Variants in PIEZO2 observed in about 807,000 individuals in gnomAD.
PIEZO2 encodes piezo type mechanosensitive ion channel component 2.
Under a neutral mutation model 337.3 loss-of-function variants are expected in PIEZO2, and 172 were observed. The observed-to-expected ratio is 0.51, with a 90% confidence interval of 0.45 to 0.58. The LOEUF is 0.58. Ranked by LOEUF, PIEZO2 falls within the 20% of genes least tolerant of loss-of-function variation. The pLI, the probability that PIEZO2 is intolerant of heterozygous loss-of-function variation, is 0.00. For missense variants in PIEZO2, 3,028 were observed against 3,391.3 expected, an observed-to-expected ratio of 0.89 and a Z score of 2.66; for synonymous variants, 1,251 against 1,228.5, an observed-to-expected ratio of 1.02 and a Z score of -0.38.
intron 2 of PIEZO2, among the ~76,000 whole-genome samples, chr18:10,995,082 A>AAAAAAAAAAAAAAAAAAAG (rs2035266843): frequency 7.8e-6 from 1 of 128,122 alleles, no homozygotes; most frequent in Non-Finnish European, 1.6e-5. Context: ...CGTCTCAAAA[A>AAAAAAAAAAAAAAAAAAAG]AAAAAAAAAA....
At position 10,954,157 on chromosome 18, in the gene PIEZO2, C is replaced by G. The variant is rs546456877; in HGVS notation, c.286+25378G>C. On this transcript the variant is annotated intron_variant, in intron 3 of 55. Coordinates refer to ENST00000674853, the MANE Select transcript of PIEZO2 (RefSeq NM_001378183.1). This position sits in a 1 kb window ranked among gnomAD's most constrained non-coding sequence, Gnocchi z 4.2. ...TTTTTCATTTTCAAAATTACTTTGG[C>G]TATTGTAGTTTTTTTTCCATATATA... Among the ~76,000 whole-genome samples, 9 of 152,206 alleles carry G rather than the reference C, an allele frequency of 5.9e-5. No homozygotes were observed. In the East Asian group the frequency reaches 1.7e-3, roughly 29 times the overall value.
intron 4 of PIEZO2, among the ~76,000 whole-genome samples, chr18:10,893,352 T>C (rs1000611388): frequency 3.3e-5 from 5 of 152,192 alleles, no homozygotes; most frequent in Non-Finnish European, 7.3e-5. Flanking sequence ...CCAGGTCAGA[T>C]TCCTCAGCGA....
In PIEZO2 at chr18:11,129,225, C is replaced by T. The variant is rs2040268876; in HGVS notation, c.64+19300G>A. On this transcript the variant is annotated intron_variant, in intron 1 of 55. Transcript: ENST00000674853. The surrounding 1 kb of genome is among the most constrained non-coding windows in gnomAD (Gnocchi z 4.6). ...GTGAAACAGATTTGTGAGGGCAGCA[C>T]CTGCATCTTTGGAACCACAGTCACT... 6.6e-6 allele frequency among the ~76,000 whole-genome samples: 1 copy of T among 152,052 alleles called. No homozygotes were observed. The highest frequency in any genetic ancestry group is 1.5e-5 in the Non-Finnish European group (1 of 68,002).
At chr18:11,015,205 A>G (rs139261404) in intron 2 of PIEZO2, among the ~76,000 whole-genome samples, 1,234 of 120,978 alleles carry the variant, frequency 0.01, 33 homozygotes, top group African/African-American at 0.039. Context: ...GCAGGACAGC[A>G]ATCCGGGGCC....
intron 21 of PIEZO2, 46 bp from the exon 22 acceptor site, chr18:10,763,144 C>T (rs1196625421): frequency 1.3e-6 from 2 of 1,507,488 alleles, no homozygotes; most frequent in Non-Finnish European, 1.8e-6. Context: ...CGTAACACGG[C>T]ATAACAAACA....
chr18:10,792,190 C>T (rs1037783483), intron 13 of PIEZO2, among the ~76,000 whole-genome samples: 5 of 152,162 alleles, frequency 3.3e-5, no homozygotes, highest in African/African-American at 1.2e-4. Flanking sequence ...ATCAGGTGAT[C>T]CGCCTGCCTT....
At chr18:10,970,682 A>T (rs1323345197) in intron 3 of PIEZO2, among the ~76,000 whole-genome samples, 2 of 151,900 alleles carry the variant, frequency 1.3e-5, no homozygotes, top group East Asian at 3.9e-4. Context: ...ACACACACAC[A>T]CACACACACA....
At position 10,973,674 on chromosome 18, in the gene PIEZO2, G is replaced by A. The variant is rs572952594; in HGVS notation, c.286+5861C>T. ...GAAGCTGGCCCGAGGAGAGAAGAAG[G>A]CTGTGTGTTGTGCCTGAATGAGTTA... On this transcript the variant is annotated intron_variant, in intron 3 of 55. Coordinates refer to ENST00000674853, the MANE Select transcript of PIEZO2 (RefSeq NM_001378183.1). This position sits in a 1 kb window ranked among gnomAD's most constrained non-coding sequence, Gnocchi z 4.9. 6.6e-6 allele frequency among the ~76,000 whole-genome samples: 1 copy of A among 152,152 alleles called. No individual in the cohort carries two copies. Among genetic ancestry groups the A allele is most frequent in the Non-Finnish European group, 1.5e-5 (1 of 68,014 alleles).
intron 3 of PIEZO2, among the ~76,000 whole-genome samples, chr18:10,959,549 T>G (rs180977247): frequency 6.6e-6 from 1 of 152,322 alleles, no homozygotes; most frequent in African/African-American, 2.4e-5. Context: ...AAATTGATTG[T>G]GTAGACTCTG....
At position 11,143,651 on chromosome 18, in the gene PIEZO2, T is replaced by A. The variant is rs2040729219; in HGVS notation, c.64+4874A>T. On this transcript the variant is annotated intron_variant, in intron 1 of 55. Coordinates refer to ENST00000674853, the MANE Select transcript of PIEZO2 (RefSeq NM_001378183.1). This position sits in a 1 kb window ranked among gnomAD's most constrained non-coding sequence, Gnocchi z 4.9. ...CACACACACACACACTCTCTCTCTC[T>A]CTCTCTCTCTCTCTCTCTCTCACTC... Among the ~76,000 whole-genome samples, 1 of 149,236 alleles carries A rather than the reference T, an allele frequency of 6.7e-6. No individual in the cohort carries two copies. Among genetic ancestry groups the A allele is most frequent in the Non-Finnish European group, 1.5e-5 (1 of 67,452 alleles).
chr18:11,064,533 T>C (rs145352659), intron 2 of PIEZO2, among the ~76,000 whole-genome samples: 288 of 152,334 alleles, frequency 1.9e-3, no homozygotes, highest in African/African-American at 6.3e-3. Context: ...CTTTTGATTT[T>C]ATGTTTCACC....
chr18:10,802,056 A>T (rs2039839155), intron 9 of PIEZO2, among the ~76,000 whole-genome samples: 1 of 145,214 alleles, frequency 6.9e-6, no homozygotes. Flanking sequence ...ACTGCACTCC[A>T]GCCTGGGCGA....
At position 11,035,953 on chromosome 18, in the gene PIEZO2, G is replaced by A. The variant is rs183642946; in HGVS notation, c.160+30174C>T. Among the ~76,000 whole-genome samples, 575 of 152,282 alleles carry A rather than the reference G, an allele frequency of 3.8e-3. 5 individuals carry two copies. The highest frequency in any genetic ancestry group is 0.015 in the Admixed American group (234 of 15,298). ...GCTTGTTAGCAAGAAGTCCACACCT[G>A]GAACATGCTTGAAGCACAGGTGCTC... is the stretch of plus-strand genomic sequence containing the variant. On this transcript the variant is annotated intron_variant, in intron 2 of 55. Transcript: ENST00000674853. The surrounding 1 kb of genome is among the most constrained non-coding windows in gnomAD (Gnocchi z 4.3).
intron 7 of PIEZO2, among the ~76,000 whole-genome samples, chr18:10,812,936 T>A (rs528866954): frequency 5.9e-5 from 9 of 152,066 alleles, no homozygotes; most frequent in Admixed American, 2.0e-4. Context: ...ACTTAAAAAA[T>A]GTTTATTTGA....
chr18:10,844,266 G>A (rs566843671), intron 7 of PIEZO2, among the ~76,000 whole-genome samples: 66 of 151,766 alleles, frequency 4.3e-4, no homozygotes, highest in East Asian at 1.2e-3. Flanking sequence ...CAAAAAATGC[G>A]AAAATTAGCC....
At chr18:11,026,559 T>C (rs1054839055) in intron 2 of PIEZO2, among the ~76,000 whole-genome samples, 3 of 152,234 alleles carry the variant, frequency 2.0e-5, no homozygotes, top group African/African-American at 4.8e-5. Flanking sequence ...CTGATGCCGA[T>C]GCACTGTGCT....
intron 1 of PIEZO2, among the ~76,000 whole-genome samples, chr18:11,130,535 C>T: frequency 6.6e-6 from 1 of 152,192 alleles, no homozygotes; most frequent in Admixed American, 6.5e-5. Context: ...CAAACTGGTC[C>T]ATTACATTGA....
chr18:11,029,533 A>C (rs893999735), intron 2 of PIEZO2, among the ~76,000 whole-genome samples: 2 of 152,192 alleles, frequency 1.3e-5, no homozygotes, highest in East Asian at 1.9e-4. Context: ...CAAGCAAATT[A>C]GGCCATTCTA....
intron 26 of PIEZO2, among the ~76,000 whole-genome samples, chr18:10,758,758 C>A (rs2037994697): frequency 1.3e-5 from 2 of 152,172 alleles, no homozygotes; most frequent in South Asian, 4.1e-4. Context: ...GTCCCCAAAG[C>A]AGAAGCCACA....
Sources: gnomAD v4.1 joint callset for allele counts (sites outside exome capture counted in the v4.1 genomes callset) on GRCh38, gnomAD v4.1.1 for gene constraint, Gnocchi (gnomAD v3.1) non-coding constraint, MANE v1.5 for transcripts, NCBI Gene and HGNC (gene_info 2026-07-23, HGNC 2026-07-21) for gene names.